The following DNAH6 variants were observed in gnomAD, a reference collection of about 807,000 sequenced individuals.
The protein encoded by DNAH6 is axonemal beta dynein heavy chain 6.
Under a neutral mutation model 491.4 loss-of-function variants are expected in DNAH6, and 340 were observed. The observed-to-expected ratio is 0.69, with a 90% confidence interval of 0.63 to 0.76. The LOEUF is 0.76. DNAH6 is among the 30% of genes least tolerant of loss of function. The pLI, the probability that DNAH6 is intolerant of heterozygous loss-of-function variation, is 0.00. For synonymous variants in DNAH6, 1,603 were observed against 1,686.1 expected, an observed-to-expected ratio of 0.95 and a Z score of 1.21; for missense variants, 4,443 against 4,972.2, an observed-to-expected ratio of 0.89 and a Z score of 3.20.
intron 61 of DNAH6, among the ~76,000 whole-genome samples, chr2:84,732,660 A>T (rs1699219463): frequency 6.6e-6 from 1 of 152,224 alleles, no homozygotes. Context: ...TAAGGGGTAC[A>T]CGGTATCTTT....
intron 63 of DNAH6, among the ~76,000 whole-genome samples, chr2:84,759,413 G>T (rs1021267838): frequency 6.6e-6 from 1 of 152,150 alleles, no homozygotes; most frequent in Non-Finnish European, 1.5e-5. Context: ...GGAGGCTGAA[G>T]CTGGAGAACT....
intron 18 of DNAH6, among the ~76,000 whole-genome samples, chr2:84,598,127 T>TTTCTTTC (rs1196472640): frequency 1.0e-4 from 11 of 109,402 alleles, no homozygotes; most frequent in South Asian, 3.4e-4. Flanking sequence ...TCTATCTTTC[T>TTTCTTTC]TTTCTTTCTT....
rs373605253 is a variant in DNAH6 at position 84,615,233 on chromosome 2, G to C, written c.3476-1653G>C. ...TTTTTAGGTGAGAGATGAGGATCCA[G>C]TTTCATTCTTCTACATGTGGCTTGC... On this transcript the variant is annotated intron_variant, in intron 22 of 76. Transcript: ENST00000389394. 2.0e-5 allele frequency among the ~76,000 whole-genome samples: 3 copies of C among 152,186 alleles called. No homozygotes were observed. The East Asian group carries it at 5.8e-4, about 29-fold the overall frequency.
chr2:84,706,814 A>T (rs1573551807), intron 52 of DNAH6, 82 bp from the exon 53 acceptor site: 15 of 1,443,964 alleles, frequency 1.0e-5, no homozygotes, highest in Admixed American at 3.4e-5. Context: ...CATATATAAA[A>T]TTTTTTTTAG....
At chr2:84,481,297 G>A in the DNAH6 span, among the ~76,000 whole-genome samples, 1 of 152,142 alleles carries the variant, frequency 6.6e-6, no homozygotes, top group Non-Finnish European at 1.5e-5. Context: ...ACTTTCAAAT[G>A]CATGCTAACA....
At chr2:84,693,780 T>C (rs1310973493) in intron 45 of DNAH6, among the ~76,000 whole-genome samples, 1 of 151,968 alleles carries the variant, frequency 6.6e-6, no homozygotes, top group Non-Finnish European at 1.5e-5. Flanking sequence ...AGAAACTTTC[T>C]AAAATTTTGT....
At chr2:84,715,720 G>GT in intron 58 of DNAH6, 93 bp downstream of exon 58, 1 of 1,231,048 alleles carries the variant, frequency 8.1e-7, no homozygotes, top group Non-Finnish European at 1.2e-6. Context: ...ATGTTCTGCT[G>GT]TGTAAGAGCA....
intron 70 of DNAH6, 118 bp downstream of exon 70, chr2:84,797,776 A>T: frequency 4.3e-6 from 4 of 936,928 alleles, no homozygotes; most frequent in Non-Finnish European, 6.3e-6. Context: ...AAATAAAATA[A>T]TTGTTTCACC....
At chr2:84,689,828 G>A (rs770471287) in intron 45 of DNAH6, among the ~76,000 whole-genome samples, 130 of 152,102 alleles carry the variant, frequency 8.5e-4, no homozygotes, top group Non-Finnish European at 1.0e-3. Flanking sequence ...TGGCAGGTGG[G>A]GATCACAGCC....
chr2:84,770,632 G>A (rs753320849), intron 64 of DNAH6, among the ~76,000 whole-genome samples: 77 of 152,064 alleles, frequency 5.1e-4, no homozygotes, highest in African/African-American at 1.4e-3. Flanking sequence ...AAAATGTCAC[G>A]AACATGCAGA....
At chr2:84,605,462 C>T (rs1368658953) in intron 19 of DNAH6, 38 bp from the exon 20 acceptor site, 1 of 1,387,140 alleles carries the variant, frequency 7.2e-7, no homozygotes, top group Non-Finnish European at 1.0e-6. Context: ...TCTAAACACA[C>T]TGAATTTAGA....
At chr2:84,765,443 G>A (rs902409393) in intron 64 of DNAH6, among the ~76,000 whole-genome samples, 1 of 152,050 alleles carries the variant, frequency 6.6e-6, no homozygotes. Flanking sequence ...AATTAGGAAG[G>A]TTATTAATCA....
intron 68 of DNAH6, among the ~76,000 whole-genome samples, chr2:84,790,929 C>T (rs574687883): frequency 3.9e-5 from 6 of 152,254 alleles, no homozygotes; most frequent in African/African-American, 9.6e-5. Context: ...CAGTGGCTCA[C>T]GCCTGTAATC....
chr2:84,494,863 T>C, the DNAH6 span, among the ~76,000 whole-genome samples: 2 of 152,152 alleles, frequency 1.3e-5, no homozygotes, highest in Non-Finnish European at 2.9e-5. Flanking sequence ...CTGGGAATTA[T>C]TAAAATACAG....
the DNAH6 span, among the ~76,000 whole-genome samples, chr2:84,470,041 A>G: frequency 1.3e-5 from 2 of 152,096 alleles, no homozygotes; most frequent in Non-Finnish European, 2.9e-5. Context: ...ACCCAATCCC[A>G]TTCTTTACCT....
chr2:84,503,787 G>T, the DNAH6 span, among the ~76,000 whole-genome samples: 1 of 151,242 alleles, frequency 6.6e-6, no homozygotes, highest in Non-Finnish European at 1.5e-5. Flanking sequence ...AAGCTCCATT[G>T]TATGTTATTT....
At chr2:84,464,264 G>A in the DNAH6 span, among the ~76,000 whole-genome samples, 4 of 152,084 alleles carry the variant, frequency 2.6e-5, no homozygotes, top group East Asian at 1.9e-4. Flanking sequence ...TTCAGCCTCC[G>A]TGGGCTACAA....
At chr2:84,659,308 C>A in intron 37 of DNAH6, 139 bp downstream of exon 37, 2 of 474,894 alleles carry the variant, frequency 4.2e-6, no homozygotes, top group Non-Finnish European at 6.7e-6. Flanking sequence ...CATGTTTTTC[C>A]AACCATAGAC....
At chr2:84,500,359 C>T in the DNAH6 span, among the ~76,000 whole-genome samples, 1 of 152,070 alleles carries the variant, frequency 6.6e-6, no homozygotes, top group African/African-American at 2.4e-5. Flanking sequence ...GGATTTGTTT[C>T]TGGGTTCTCT....
Sources: gnomAD v4.1 joint callset for allele counts (sites outside exome capture counted in the v4.1 genomes callset) on GRCh38, gnomAD v4.1.1 for gene constraint, MANE v1.5 for transcripts, NCBI Gene and HGNC (gene_info 2026-07-23, HGNC 2026-07-21) for gene names.